Variants in ELFN2 observed in about 807,000 individuals in gnomAD.
ELFN2 encodes the protein protein phosphatase 1 regulatory subunit 29.
ELFN2 carries 17 observed loss-of-function variants against 45.5 expected under a neutral mutation model. That is an observed-to-expected ratio of 0.37 (90% CI 0.26 to 0.56). ELFN2 has a LOEUF of 0.56. ELFN2 is among the 20% of genes least tolerant of loss of function. The pLI is 0.77. For synonymous variants in ELFN2, 550 were observed against 551.5 expected (o/e 1.00, Z 0.04); for missense variants, 922 against 1,183.2 (o/e 0.78, Z 3.24).
Position 37,422,947 on chromosome 22 carries a change from G to C in ELFN2, c.-614+4351C>G, listed in dbSNP as rs1022023824. Among the ~76,000 whole-genome samples, 485 of 132,668 alleles carry C rather than the reference G, an allele frequency of 3.7e-3. 11 individuals are homozygous for C. Among genetic ancestry groups the C allele is most frequent in the Middle Eastern group, 0.011 (3 of 284 alleles). The allele number at this position is 132,668 out of a possible 152,430, so 87.0% of individuals were successfully genotyped here. On this transcript the variant is annotated intron_variant, in intron 1 of 2. Transcript: ENST00000402918. ...CATATTGAGGAAACTGGGCCTCGGGGGGGGGGGGGGAAGTGACTTGCCCAG... is the reference window on the plus strand; with the variant it reads ...CATATTGAGGAAACTGGGCCTCGGGCGGGGGGGGGGAAGTGACTTGCCCAG...
chr22:37,387,014 C>T (rs952205065), intron 2 of ELFN2, among the ~76,000 whole-genome samples: 6 of 152,366 alleles, frequency 3.9e-5, no homozygotes, highest in African/African-American at 1.4e-4. Flanking sequence ...CTCCAGGAAG[C>T]TGCCTCCTGC....
At chr22:37,402,606 T>G (rs1342626749) in intron 2 of ELFN2, among the ~76,000 whole-genome samples, 2 of 132,492 alleles carry the variant, frequency 1.5e-5, no homozygotes, top group African/African-American at 6.0e-5. Context: ...AGGAAGGGGC[T>G]GTGGAGCCAA....
chr22:37,343,121 A>T (rs527476646), intron 1 of ELFN2, among the ~76,000 whole-genome samples: 22 of 152,198 alleles, frequency 1.4e-4, no homozygotes, highest in Admixed American at 1.2e-3. Context: ...AGGGACCGGA[A>T]CTTGCCGAGG....
At chr22:37,344,779 T>C (rs1210261223) in intron 1 of ELFN2, among the ~76,000 whole-genome samples, 1 of 152,176 alleles carries the variant, frequency 6.6e-6, no homozygotes, top group Non-Finnish European at 1.5e-5. Flanking sequence ...GGCACCACCA[T>C]GCGCATCCCC....
chr22:37,415,499 T>G (rs1311375181), intron 2 of ELFN2, among the ~76,000 whole-genome samples: 1 of 152,214 alleles, frequency 6.6e-6, no homozygotes, highest in Non-Finnish European at 1.5e-5. Flanking sequence ...CAGGGTACTA[T>G]GTGCCTGTCA....
chr22:37,380,540 G>A (rs1462965321), intron 2 of ELFN2, among the ~76,000 whole-genome samples: 1 of 152,178 alleles, frequency 6.6e-6, no homozygotes, highest in Non-Finnish European at 1.5e-5. Context: ...CTGTGTCCTG[G>A]CCTCCCAGGA....
At chr22:37,400,444 G>A (rs977445584) in intron 2 of ELFN2, among the ~76,000 whole-genome samples, 47 of 152,212 alleles carry the variant, frequency 3.1e-4, no homozygotes, top group African/African-American at 1.1e-3. Flanking sequence ...TGGGGCAAAG[G>A]CATTCTGGCA....
chr22:37,426,563 C>T (rs182127714), intron 1 of ELFN2, among the ~76,000 whole-genome samples: 99 of 150,892 alleles, frequency 6.6e-4, no homozygotes, highest in Middle Eastern at 3.4e-3. Context: ...AGCCAACACA[C>T]CCACCCCCTC....
intron 1 of ELFN2, among the ~76,000 whole-genome samples, chr22:37,426,067 A>G (rs755394516): frequency 3.3e-5 from 5 of 151,916 alleles, no homozygotes; most frequent in Non-Finnish European, 7.4e-5. Context: ...CGACAGCCGC[A>G]GCCCAGACAC....
intron 2 of ELFN2, among the ~76,000 whole-genome samples, chr22:37,404,350 G>C (rs536510534): frequency 5.6e-4 from 85 of 152,232 alleles, no homozygotes; most frequent in South Asian, 3.5e-3. Context: ...GGCACATGAA[G>C]GCAGATTTGA....
At chr22:37,422,457 A>C (rs1325250353) in intron 1 of ELFN2, among the ~76,000 whole-genome samples, 4 of 151,974 alleles carry the variant, frequency 2.6e-5, no homozygotes, top group Non-Finnish European at 1.5e-5. Context: ...CTGCAATCCC[A>C]GCACTTTGGG....
intron 2 of ELFN2, among the ~76,000 whole-genome samples, chr22:37,388,313 G>A (rs2145655035): frequency 6.6e-6 from 1 of 152,090 alleles, no homozygotes; most frequent in South Asian, 2.1e-4. Context: ...CTCTCCTGTG[G>A]GTTCCCACAG....
chr22:37,355,410 A>G (rs1930924770), intron 1 of ELFN2, among the ~76,000 whole-genome samples: 1 of 152,182 alleles, frequency 6.6e-6, no homozygotes, highest in Admixed American at 6.5e-5. Flanking sequence ...GTCACAGCCC[A>G]CACCTGACCT....
rs1233222404 is a variant in ELFN2 at position 37,417,126 on chromosome 22, C to T, written c.-463+643G>A. Among the ~76,000 whole-genome samples, 2 of 148,020 alleles carry T rather than the reference C, an allele frequency of 1.4e-5. No individual in the cohort carries two copies. Among genetic ancestry groups the T allele is most frequent in the African/African-American group, 5.3e-5 (2 of 38,094 alleles). Reference sequence around the variant, plus strand: ...ACAGCCTCGGTGACAGCCCCAGCCTCTCCTCTCCTCTCCTCTCCAGGGCAG... The same window carrying T: ...ACAGCCTCGGTGACAGCCCCAGCCTTTCCTCTCCTCTCCTCTCCAGGGCAG... On this transcript the variant is annotated intron_variant, in intron 2 of 2. Coordinates refer to ENST00000402918, the MANE Select transcript of ELFN2 (RefSeq NM_052906.5). This position sits in a 1 kb window ranked among gnomAD's most constrained non-coding sequence, Gnocchi z 4.5.
At chr22:37,399,750 T>C (rs538746888) in intron 2 of ELFN2, among the ~76,000 whole-genome samples, 2 of 152,232 alleles carry the variant, frequency 1.3e-5, no homozygotes, top group African/African-American at 4.8e-5. Flanking sequence ...CACCGGCTGC[T>C]GGCTCCCATG....
At chr22:37,346,436 G>T (rs1482918099) in intron 1 of ELFN2, among the ~76,000 whole-genome samples, 1 of 150,578 alleles carries the variant, frequency 6.6e-6, no homozygotes, top group East Asian at 2.0e-4. Flanking sequence ...CCTGGCAGCT[G>T]CTCTGTCCCC....
At chr22:37,395,936 G>T (rs927534521) in intron 2 of ELFN2, among the ~76,000 whole-genome samples, 3 of 152,182 alleles carry the variant, frequency 2.0e-5, no homozygotes, top group African/African-American at 7.2e-5. Flanking sequence ...CCAGAAGAAG[G>T]GTCACGGACA....
rs150521905 is a variant in ELFN2, at chr22:37,345,180, C to T, written n.149-2477G>A. Among the ~76,000 whole-genome samples, 131 of 152,370 alleles carry T rather than the reference C, an allele frequency of 8.6e-4. 1 individual carries two copies. Among genetic ancestry groups the T allele is most frequent in the Middle Eastern group, 3.4e-3 (1 of 294 alleles). Reference sequence around the variant, plus strand: ...TTTCATCCTGACACACTGGCCTCCTCCTCGCCATCCCCAGTCTTTTCTCCT... The same window carrying T: ...TTTCATCCTGACACACTGGCCTCCTTCTCGCCATCCCCAGTCTTTTCTCCT... On this transcript the variant is annotated intron_variant and non_coding_transcript_variant, in intron 1 of 2. Coordinates refer to ENST00000452946, the Ensembl canonical transcript of ELFN2.
chr22:37,350,052 C>A (rs1027485560), intron 1 of ELFN2, among the ~76,000 whole-genome samples: 4 of 150,954 alleles, frequency 2.6e-5, no homozygotes, highest in African/African-American at 9.7e-5. Context: ...GGGTGTGAGG[C>A]TGCCTGGGCT....
Sources: gnomAD v4.1 joint callset for allele counts (sites outside exome capture counted in the v4.1 genomes callset) on GRCh38, gnomAD v4.1.1 for gene constraint, Gnocchi (gnomAD v3.1) non-coding constraint, MANE v1.5 for transcripts, NCBI Gene and HGNC (gene_info 2026-07-23, HGNC 2026-07-21) for gene names.